Variants in ZDHHC9 observed in about 807,000 individuals in gnomAD.
ZDHHC9 encodes the protein zDHHC palmitoyltransferase 9, also known as palmitoyltransferase ZDHHC9.
A neutral mutation model predicts 26.6 loss-of-function variants in ZDHHC9; 3 were observed. The ratio of observed to expected loss-of-function variants is 0.11; its 90% CI spans 0.05 to 0.29. The LOEUF (loss-of-function observed/expected upper bound fraction) is 0.29, where lower values mean the gene tolerates loss of function less well. ZDHHC9 is among the 10% of genes least tolerant of loss of function. ZDHHC9 has a pLI of 1.00. For missense variants in ZDHHC9, 146 were observed against 296.4 expected, an observed-to-expected ratio of 0.49 and a Z score of 3.73; for synonymous variants, 111 against 109.4, an observed-to-expected ratio of 1.01 and a Z score of -0.09.
At chrX:129,822,439 A>G (rs768418171) in intron 5 of ZDHHC9, among the ~76,000 whole-genome samples, 2 of 84,445 alleles carry the variant, frequency 2.4e-5, no homozygotes, top group African/African-American at 9.3e-5. Context: ...AACAACACAT[A>G]CTGGGGTCTG....
intron 3 of ZDHHC9, among the ~76,000 whole-genome samples, chrX:129,832,126 C>T (rs1928153017): frequency 1.0e-5 from 1 of 98,675 alleles, no homozygotes; most frequent in Non-Finnish European, 1.9e-5. Flanking sequence ...ATCAAAACAT[C>T]ATATTGTATA....
chrX:129,827,792 C>T (rs934285330), intron 4 of ZDHHC9, among the ~76,000 whole-genome samples: 1 of 79,527 alleles, frequency 1.3e-5, no homozygotes, highest in African/African-American at 3.9e-5. Flanking sequence ...GCATGTTCCC[C>T]TAAAGCAGCG....
At chrX:129,831,979 G>A (rs1226493781) in intron 3 of ZDHHC9, among the ~76,000 whole-genome samples, 1 of 110,147 alleles carries the variant, frequency 9.1e-6, no homozygotes, top group Non-Finnish European at 1.9e-5. Context: ...TGCGGACTAT[G>A]GTTAATAACA....
intron 10 of ZDHHC9, 30 bp from the exon 11 acceptor site, chrX:129,806,516 C>T (rs371226115): frequency 1.7e-6 from 2 of 1,149,779 alleles, no homozygotes; most frequent in African/African-American, 3.6e-5. Flanking sequence ...AGATTCAACA[C>T]AAAGCTGTTC....
intron 9 of ZDHHC9, among the ~76,000 whole-genome samples, 182 bp downstream of exon 9, chrX:129,811,224 T>A (rs1470392521): frequency 9.0e-6 from 1 of 111,421 alleles, no homozygotes; most frequent in Non-Finnish European, 1.9e-5. Context: ...TGAAAGATCA[T>A]CCCTCCAAAA....
At chrX:129,810,245 G>A (rs1287732584) in intron 10 of ZDHHC9, among the ~76,000 whole-genome samples, 4 of 106,719 alleles carry the variant, frequency 3.7e-5, no homozygotes, top group Non-Finnish European at 5.8e-5. Flanking sequence ...GCTACTCGGA[G>A]GCTGAGGCAG....
Position 129,830,178 on chromosome X carries a change from C to T in ZDHHC9, c.168-1037G>A, listed in dbSNP as rs375640843. On this transcript the variant is annotated intron_variant, in intron 3 of 10. Coordinates refer to ENST00000357166, the MANE Select transcript of ZDHHC9 (RefSeq NM_016032.4). ...TAGCTATTTCTCAGTATGTTGATGG[C>T]ATCTCCCTCAACTGGACTTCCTAAG... Among the ~76,000 whole-genome samples the T allele has an allele frequency of 2.7e-5, 3 of 111,758 alleles. No homozygotes were observed. In the East Asian group the frequency reaches 8.4e-4, roughly 31 times the overall value.
intron 3 of ZDHHC9, among the ~76,000 whole-genome samples, chrX:129,837,446 T>G (rs1021098705): frequency 2.7e-5 from 3 of 112,604 alleles, no homozygotes; most frequent in Non-Finnish European, 5.6e-5. Flanking sequence ...AAAGTTTTCA[T>G]GAAGAAAGAC....
At chrX:129,815,010 A>G (rs2124106106) in intron 5 of ZDHHC9, among the ~76,000 whole-genome samples, 1 of 109,986 alleles carries the variant, frequency 9.1e-6, no homozygotes, top group Non-Finnish European at 1.9e-5. Context: ...AAAAGGAGAT[A>G]CTCTTTTCCC....
At chrX:129,828,947 A>T in intron 4 of ZDHHC9, 34 bp downstream of exon 4, 1 of 1,210,432 alleles carries the variant, frequency 8.3e-7, no homozygotes, top group Non-Finnish European at 1.1e-6. Context: ...GCCACCCACT[A>T]CACAGCAGCT....
intron 5 of ZDHHC9, chrX:129,822,877 T>A (rs1602953430): frequency 9.0e-6 from 1 of 111,643 alleles, no homozygotes. Flanking sequence ...ACATTAGAAG[T>A]ATGCCTAGTG....
At chrX:129,811,749 C>T (rs1001615022) in intron 8 of ZDHHC9, among the ~76,000 whole-genome samples, 1 of 110,528 alleles carries the variant, frequency 9.0e-6, no homozygotes. Flanking sequence ...CAACTGTCAC[C>T]CCATTGATCG....
At chrX:129,830,748 C>T (rs553505195) in intron 3 of ZDHHC9, among the ~76,000 whole-genome samples, 1 of 111,504 alleles carries the variant, frequency 9.0e-6, no homozygotes, top group African/African-American at 3.3e-5. Context: ...TCAAAGCAAA[C>T]GTTTAACTCC....
chrX:129,808,441 G>A (rs1351482244), intron 10 of ZDHHC9, among the ~76,000 whole-genome samples: 2 of 112,196 alleles, frequency 1.8e-5, no homozygotes, highest in Non-Finnish European at 3.8e-5. Context: ...CAACAAGGGT[G>A]CCAAGACAAG....
At chrX:129,841,146 G>A (rs749629775) in intron 3 of ZDHHC9, among the ~76,000 whole-genome samples, 1 of 111,728 alleles carries the variant, frequency 9.0e-6, no homozygotes, top group South Asian at 3.7e-4. Context: ...CGAGTACGAG[G>A]TATTACACCA....
intron 4 of ZDHHC9, among the ~76,000 whole-genome samples, chrX:129,826,958 C>T (rs1428886039): frequency 8.9e-6 from 1 of 112,179 alleles, no homozygotes; most frequent in Non-Finnish European, 1.9e-5. Context: ...CTTTGGAAGG[C>T]CAAGGTGAGA....
intron 4 of ZDHHC9, among the ~76,000 whole-genome samples, chrX:129,825,273 A>G (rs1241421261): frequency 8.9e-6 from 1 of 112,111 alleles, no homozygotes; most frequent in East Asian, 2.8e-4. Flanking sequence ...CAACTCAAAA[A>G]AAAAATTTTT....
chrX:129,823,968 T>C (rs1927952426), intron 4 of ZDHHC9, 131 bp from the exon 5 acceptor site: 1 of 563,909 alleles, frequency 1.8e-6, no homozygotes, highest in South Asian at 2.4e-5. Flanking sequence ...GACTAGACAC[T>C]CAACATCACA....
chrX:129,822,009 T>C lies in ZDHHC9; in HGVS notation c.487+1670A>G, dbSNP rs187631188. ...AACACTTTTACACTGTTGGTGGGAG[T>C]GTAAATTAGTTCAACCATTGTGGAA... On this transcript the variant is annotated intron_variant, in intron 5 of 10. Transcript: ENST00000357166. Among the ~76,000 whole-genome samples the C allele has an allele frequency of 1.3e-3, 143 of 110,229 alleles. 3 individuals are homozygous for C. The East Asian group carries it at 0.038, about 29-fold the overall frequency.
Sources: gnomAD v4.1 joint callset for allele counts (sites outside exome capture counted in the v4.1 genomes callset) on GRCh38, gnomAD v4.1.1 for gene constraint, MANE v1.5 for transcripts, NCBI Gene and HGNC (gene_info 2026-07-23, HGNC 2026-07-21) for gene names.